DPP10: variants seen among roughly 807,000 people sequenced by gnomAD.
The protein encoded by DPP10 is dipeptidyl peptidase like 10, also known as inactive dipeptidyl peptidase 10.
In DPP10, 33 loss-of-function variants were observed where a neutral mutation model predicts 120.9. The observed-to-expected ratio is 0.27, with a 90% confidence interval of 0.21 to 0.37. The LOEUF (loss-of-function observed/expected upper bound fraction) is 0.37, where lower values mean the gene tolerates loss of function less well. DPP10 is among the 10% of genes least tolerant of loss of function. DPP10 has a pLI of 1.00. For missense variants in DPP10, 816 were observed against 942.8 expected, an observed-to-expected ratio of 0.87 and a Z score of 1.76; for synonymous variants, 337 against 326.1, an observed-to-expected ratio of 1.03 and a Z score of -0.36.
At chr2:114,959,102 G>C (rs543946228) in intron 1 of DPP10, among the ~76,000 whole-genome samples, 1 of 151,922 alleles carries the variant, frequency 6.6e-6, no homozygotes, top group Admixed American at 6.6e-5. Context: ...TCTGTCACCC[G>C]GGCTGGAGTA....
chr2:115,538,266 A>G (rs1232883953), intron 5 of DPP10, among the ~76,000 whole-genome samples: 1 of 151,968 alleles, frequency 6.6e-6, no homozygotes, highest in Non-Finnish European at 1.5e-5. Flanking sequence ...AGTTAGGTGT[A>G]GTGAGGTTAG....
chr2:115,075,126 C>A (rs1707680377), intron 1 of DPP10, among the ~76,000 whole-genome samples: 1 of 152,164 alleles, frequency 6.6e-6, no homozygotes, highest in Admixed American at 6.5e-5. Flanking sequence ...TCAGTGAAAG[C>A]TCAGAGTGAG....
At chr2:115,252,976 T>C (rs570607278) in intron 1 of DPP10, among the ~76,000 whole-genome samples, 2 of 152,344 alleles carry the variant, frequency 1.3e-5, no homozygotes, top group African/African-American at 4.8e-5. Flanking sequence ...TAGGCTATTC[T>C]TGTGTTGCTA....
intron 1 of DPP10, among the ~76,000 whole-genome samples, chr2:114,852,626 CG>C (rs1553441739): frequency 6.6e-6 from 1 of 151,806 alleles, no homozygotes; most frequent in Non-Finnish European, 1.5e-5. Context: ...GTTTCCGCGG[CG>C]GGGGCGGGGG....
intron 1 of DPP10, among the ~76,000 whole-genome samples, chr2:115,052,912 T>G (rs1240172695): frequency 2.1e-5 from 3 of 146,296 alleles, no homozygotes; most frequent in African/African-American, 7.6e-5. Context: ...AGATCTTGCC[T>G]CTGCACTACA....
At chr2:115,430,493 C>T (rs1179142714) in intron 3 of DPP10, among the ~76,000 whole-genome samples, 2 of 152,006 alleles carry the variant, frequency 1.3e-5, no homozygotes, top group African/African-American at 2.4e-5. Context: ...CTTTACATCT[C>T]GATAGATTTT....
chr2:114,834,862 T>C (rs943494618), intron 1 of DPP10, among the ~76,000 whole-genome samples: 1 of 149,612 alleles, frequency 6.7e-6, no homozygotes, highest in African/African-American at 2.5e-5. Flanking sequence ...CACCTATGTA[T>C]ATAAAAGACA....
Position 114,673,417 on chromosome 2 carries a change from A to G in DPP10, c.60+230579A>G, listed in dbSNP as rs551781096. On this transcript the variant is annotated intron_variant, in intron 1 of 25. Coordinates refer to ENST00000410059, the MANE Select transcript of DPP10 (RefSeq NM_020868.6). The stretch of plus-strand genomic sequence containing the variant: ...GAAAGATTTAGTGGCTATTTTTATT[A>G]CCTTTTTCTTTTTTCTTTTCTTTTT... Among the ~76,000 whole-genome samples the G allele has an allele frequency of 2.6e-5, 4 of 151,666 alleles. No individual in the cohort carries two copies. The East Asian group carries it at 7.7e-4, about 29-fold the overall frequency.
chr2:115,136,754 T>A (rs1020240686), intron 1 of DPP10, among the ~76,000 whole-genome samples: 2 of 152,132 alleles, frequency 1.3e-5, no homozygotes, highest in African/African-American at 4.8e-5. Context: ...ATACAAATAA[T>A]CTTTGGAGGA....
At chr2:115,510,971 TTG>T (rs1221069957) in intron 4 of DPP10, among the ~76,000 whole-genome samples, 3 of 152,146 alleles carry the variant, frequency 2.0e-5, no homozygotes, top group Non-Finnish European at 2.9e-5. Context: ...GTAATGATTT[TTG>T]TGTGTTGAAT....
chr2:115,188,515 G>T (rs1054753718), intron 1 of DPP10, among the ~76,000 whole-genome samples: 3 of 152,100 alleles, frequency 2.0e-5, no homozygotes, highest in African/African-American at 4.8e-5. Flanking sequence ...CCATATTTTA[G>T]GGTCTCTCAA....
chr2:114,580,362 C>A (rs1037839170), intron 1 of DPP10, among the ~76,000 whole-genome samples: 1 of 152,090 alleles, frequency 6.6e-6, no homozygotes, highest in South Asian at 2.1e-4. Flanking sequence ...GTGATAGTTT[C>A]AATGAAAAAT....
At chr2:115,575,280 T>G (rs990370635) in intron 5 of DPP10, among the ~76,000 whole-genome samples, 2 of 152,236 alleles carry the variant, frequency 1.3e-5, no homozygotes, top group African/African-American at 4.8e-5. Flanking sequence ...ATATTTAGTT[T>G]TGATTCATTG....
In DPP10 at chr2:114,501,003, C is replaced by A. The variant is rs543639877; in HGVS notation, c.60+58165C>A. Among the ~76,000 whole-genome samples, 45 of 152,312 alleles carry A rather than the reference C, an allele frequency of 3.0e-4. 1 individual carries two copies. The South Asian group carries it at 3.7e-3, about 13-fold the overall frequency. ...CCTATGACTGAGAGGATGGCCTAGG[C>A]AACCTGCTTTAGGGTGGAAACTATA... On this transcript the variant is annotated intron_variant, in intron 1 of 25. Transcript: ENST00000410059.
At chr2:114,833,184 A>G (rs1687291448) in intron 1 of DPP10, 1 of 152,172 alleles carries the variant, frequency 6.6e-6, no homozygotes, top group African/African-American at 2.4e-5. Flanking sequence ...TGGCTGCATA[A>G]TATGAAGTCC....
At chr2:115,254,322 T>G (rs1275356985) in intron 1 of DPP10, among the ~76,000 whole-genome samples, 1 of 152,118 alleles carries the variant, frequency 6.6e-6, no homozygotes, top group Non-Finnish European at 1.5e-5. Context: ...ACTCACTCAT[T>G]ATGATGAAAA....
intron 1 of DPP10, among the ~76,000 whole-genome samples, chr2:114,450,072 C>T (rs187771065): frequency 6.6e-6 from 1 of 152,190 alleles, no homozygotes; most frequent in Admixed American, 6.6e-5. Flanking sequence ...ACCTGGGTAG[C>T]TGCATTGATG....
chr2:114,862,384 T>G (rs1689879283), intron 1 of DPP10, among the ~76,000 whole-genome samples: 1 of 152,160 alleles, frequency 6.6e-6, no homozygotes, highest in African/African-American at 2.4e-5. Flanking sequence ...CCTTCCAATG[T>G]TAGAACAGTG....
intron 1 of DPP10, among the ~76,000 whole-genome samples, chr2:115,205,778 CAG>C (rs542214145): frequency 5.8e-4 from 89 of 152,166 alleles, no homozygotes; most frequent in African/African-American, 2.0e-3. Flanking sequence ...AACATGGAAA[CAG>C]AAAATCAAAT....
Sources: gnomAD v4.1 joint callset for allele counts (sites outside exome capture counted in the v4.1 genomes callset) on GRCh38, gnomAD v4.1.1 for gene constraint, MANE v1.5 for transcripts, NCBI Gene and HGNC (gene_info 2026-07-23, HGNC 2026-07-21) for gene names.